NACC2: variants seen among roughly 807,000 people sequenced by gnomAD.
NACC2 encodes the protein NACC family member 2.
A neutral mutation model predicts 25.1 loss-of-function variants in NACC2; 8 were observed. That is an observed-to-expected ratio of 0.32 (90% confidence interval 0.19 to 0.57). NACC2 has a LOEUF of 0.57. Among genes scored for constraint, NACC2 ranks in the 20% least tolerant of loss-of-function variants. The pLI is 0.89. For missense variants in NACC2, 644 were observed against 650.2 expected (o/e 0.99, Z 0.10); for synonymous variants, 435 against 294.7 (o/e 1.48, Z -4.88).
At chr9:136,079,611 C>T (rs977338807) in intron 1 of NACC2, among the ~76,000 whole-genome samples, 1 of 152,188 alleles carries the variant, frequency 6.6e-6, no homozygotes, top group African/African-American at 2.4e-5. Context: ...CAACCGAGGG[C>T]AGAAGAGAGG....
intron 1 of NACC2, among the ~76,000 whole-genome samples, chr9:136,076,058 G>A (rs1390005096): frequency 2.0e-5 from 3 of 152,162 alleles, no homozygotes; most frequent in African/African-American, 7.2e-5. Context: ...GCAAAGAACA[G>A]TCATCGAAAA....
intron 2 of NACC2, among the ~76,000 whole-genome samples, chr9:136,045,557 A>AG (rs1840710101): frequency 6.6e-6 from 1 of 152,202 alleles, no homozygotes; most frequent in African/African-American, 2.4e-5. Context: ...GAGCCCCATC[A>AG]GGCACAGGAG....
At chr9:136,012,359 TC>T (rs1840124445) in intron 5 of NACC2, among the ~76,000 whole-genome samples, 1 of 152,022 alleles carries the variant, frequency 6.6e-6, no homozygotes, top group South Asian at 2.1e-4. Flanking sequence ...GGTCAGAGGG[TC>T]CCCCTTTCGG....
chr9:136,078,542 G>A (rs930605968), intron 1 of NACC2, among the ~76,000 whole-genome samples: 3 of 152,174 alleles, frequency 2.0e-5, no homozygotes, highest in Non-Finnish European at 2.9e-5. Context: ...GACGTGGCCC[G>A]CTCACTGGCC....
At position 136,056,524 on chromosome 9, in the gene NACC2, T is replaced by C. The variant is rs138082541; in HGVS notation, c.-59-5944A>G. ...AGTCACAAGAGCCAGAGAGGATGCC[T>C]GGCCCCGCCCAACAGACCCCGGGTA... On this transcript the variant is annotated intron_variant, in intron 1 of 5. Coordinates refer to ENST00000277554, the MANE Select transcript of NACC2 (RefSeq NM_144653.5). 3.2e-4 allele frequency among the ~76,000 whole-genome samples: 48 copies of C among 152,306 alleles called. No homozygotes were observed. The East Asian group carries it at 8.5e-3, about 27-fold the overall frequency.
chr9:136,042,372 G>A (rs1485324359), intron 2 of NACC2, among the ~76,000 whole-genome samples: 2 of 152,224 alleles, frequency 1.3e-5, no homozygotes, highest in East Asian at 3.9e-4. Context: ...CCTGACGGGG[G>A]GTATCTGGCA....
rs752059608 is a variant in NACC2 at position 136,024,502 on chromosome 9, A to AGTGTGT, written c.887-8074_887-8073insACACAC. 2.4e-3 allele frequency among the ~76,000 whole-genome samples: 55 copies of AGTGTGT among 23,078 alleles called. 1 individual carries two copies. The highest frequency in any genetic ancestry group is 7.2e-3 in the Admixed American group (15 of 2,074). The allele number at this position is 23,078 out of a possible 152,430, so 15.1% of individuals were successfully genotyped here. On this transcript the variant is annotated intron_variant, in intron 2 of 5. Transcript: ENST00000277554. ...GTGAGGACAGTGTGTGTGAGGACAG[A>AGTGTGT]ATGTGTGTGTGTGTGTGTGTGTGTG...
chr9:136,016,559 G>T (rs1840206884), intron 2 of NACC2, 130 bp from the exon 3 acceptor site: 1 of 1,022,508 alleles, frequency 9.8e-7, no homozygotes, highest in South Asian at 1.5e-5. Context: ...CCCAGGTGAG[G>T]CCACTCTGTG....
At chr9:136,038,988 G>GT (rs1267227074) in intron 2 of NACC2, among the ~76,000 whole-genome samples, 6 of 152,208 alleles carry the variant, frequency 3.9e-5, no homozygotes, top group Admixed American at 1.3e-4. Context: ...GCCACTGAAA[G>GT]TAACAGCAAA....
In NACC2 at chr9:136,013,456, G is replaced by C. The variant is rs1225663570; in HGVS notation, c.1158-160C>G. On this transcript the variant is annotated intron_variant, in intron 4 of 5. Transcript: ENST00000277554. This position sits in a 1 kb window ranked among gnomAD's most constrained non-coding sequence, Gnocchi z 6.6. ...AGGAGCCGGCCCAGCCACCCTCTAA[G>C]GGACAGGACAAAGGAAAAGCGTCTG... Among the ~76,000 whole-genome samples, 2 of 152,198 alleles carry C rather than the reference G, an allele frequency of 1.3e-5. No homozygotes were observed. Among genetic ancestry groups the C allele is most frequent in the African/African-American group, 4.8e-5 (2 of 41,428 alleles).
At chr9:136,024,601 G>A (rs1169648192) in intron 2 of NACC2, among the ~76,000 whole-genome samples, 1 of 152,096 alleles carries the variant, frequency 6.6e-6, no homozygotes, top group African/African-American at 2.4e-5. Flanking sequence ...GTGCATGTGA[G>A]GACCAGCAGG....
chr9:136,014,051 G>C (rs1338616675), intron 3 of NACC2, 82 bp from the exon 4 acceptor site: 7 of 689,280 alleles, frequency 1.0e-5, no homozygotes, highest in South Asian at 3.8e-5. Context: ...GTGAGGGGGA[G>C]GGGGGGAGGT....
chr9:136,025,287 G>A (rs182101539), intron 2 of NACC2, among the ~76,000 whole-genome samples: 16 of 152,314 alleles, frequency 1.1e-4, no homozygotes, highest in South Asian at 2.1e-4. Context: ...CAGACCCTTT[G>A]AGGAGTGCTG....
intron 1 of NACC2, among the ~76,000 whole-genome samples, chr9:136,090,793 C>T (rs7018676): frequency 0.032 from 4,917 of 152,242 alleles, 252 homozygotes; most frequent in African/African-American, 0.11. Flanking sequence ...AGCCCAGGGC[C>T]GGGCTGCCCT....
intron 2 of NACC2, among the ~76,000 whole-genome samples, chr9:136,047,327 A>G (rs1294406424): frequency 5.9e-5 from 9 of 152,204 alleles, no homozygotes; most frequent in Non-Finnish European, 8.8e-5. Flanking sequence ...CAGCGACGCC[A>G]GCAACGTCAC....
At chr9:136,058,056 T>C (rs1352655317) in intron 1 of NACC2, among the ~76,000 whole-genome samples, 2 of 151,902 alleles carry the variant, frequency 1.3e-5, no homozygotes, top group Admixed American at 6.6e-5. Context: ...TGCTTAAAAC[T>C]CTCATGTAAA....
chr9:136,049,500 C>T, intron 2 of NACC2, 136 bp downstream of exon 2: 2 of 602,492 alleles, frequency 3.3e-6, no homozygotes, highest in Non-Finnish European at 5.9e-6. Flanking sequence ...AGAGCTCTGC[C>T]ACCTCCTCCA....
Position 136,022,792 on chromosome 9 carries a change from C to A in NACC2, c.887-6363G>T, listed in dbSNP as rs1281616505. 6.6e-6 allele frequency among the ~76,000 whole-genome samples: 1 copy of A among 151,894 alleles called. No individual in the cohort carries two copies. The highest frequency in any genetic ancestry group is 2.0e-4 in the East Asian group (1 of 5,114). ...GCTGTACTTGGTGGGAGCACAGAGG[C>A]CACAATTATAAGGCATGCCATTCTC... On this transcript the variant is annotated intron_variant, in intron 2 of 5. Transcript: ENST00000277554. The surrounding 1 kb of genome is among the most constrained non-coding windows in gnomAD (Gnocchi z 4.4).
chr9:136,050,752 TCCC>T (rs1840818111), intron 1 of NACC2, among the ~76,000 whole-genome samples, 172 bp from the exon 2 acceptor site: 1 of 151,932 alleles, frequency 6.6e-6, no homozygotes, highest in Non-Finnish European at 1.5e-5. Context: ...ACACGGGGTC[TCCC>T]AGACCCCCTG....
Sources: allele counts gnomAD v4.1 joint callset (sites outside exome capture counted in the v4.1 genomes callset), GRCh38; gene constraint gnomAD v4.1.1; non-coding constraint Gnocchi (gnomAD v3.1); transcripts MANE v1.5; gene names NCBI Gene and HGNC (gene_info 2026-07-23, HGNC 2026-07-21).